The following BEND3 variants were observed in gnomAD, a reference collection of about 807,000 sequenced individuals.
The protein encoded by BEND3 is BEN domain-containing protein 3.
BEND3 carries 13 observed loss-of-function variants against 60.1 expected under a neutral mutation model. The ratio of observed to expected loss-of-function variants is 0.22; its 90% CI spans 0.14 to 0.34. The LOEUF is 0.34. Among genes scored for constraint, BEND3 ranks in the 10% least tolerant of loss-of-function variants. The pLI, the probability that BEND3 is intolerant of heterozygous loss-of-function variation, is 1.00. For missense variants in BEND3, 896 were observed against 1,138.1 expected, an observed-to-expected ratio of 0.79 and a Z score of 3.06; for synonymous variants, 497 against 491.5, an observed-to-expected ratio of 1.01 and a Z score of -0.15.
intron 3 of BEND3, among the ~76,000 whole-genome samples, chr6:107,080,271 C>A (rs1351490741): frequency 1.1e-4 from 15 of 141,334 alleles, no homozygotes; most frequent in Non-Finnish European, 6.0e-5. Context: ...GAGGGGATTG[C>A]TTAAGCCCGG....
chr6:107,082,006 C>T (rs1442178161), intron 3 of BEND3, among the ~76,000 whole-genome samples: 3 of 152,194 alleles, frequency 2.0e-5, no homozygotes, highest in African/African-American at 4.8e-5. Context: ...TTGCTGCTCC[C>T]TGTTTATAAC....
intron 1 of BEND3, chr6:107,105,962 G>A (rs60519666): frequency 0.26 from 40,120 of 152,182 alleles, 5,822 homozygotes; most frequent in Non-Finnish European, 0.32. Flanking sequence ...AAACAATAGG[G>A]ATGGTGGCTG....
At chr6:107,090,351 G>GTAAA (rs1233005138) in intron 3 of BEND3, among the ~76,000 whole-genome samples, 4 of 151,878 alleles carry the variant, frequency 2.6e-5, no homozygotes, top group African/African-American at 7.3e-5. Context: ...TCTGTCTCAA[G>GTAAA]TAAATAAATA....
rs1476003911 is a variant in BEND3, at chr6:107,067,705, G to A, written c.*999C>T. 5.9e-5 allele frequency: 9 copies of A among 152,344 alleles called. No homozygotes were observed. The highest frequency in any genetic ancestry group is 1.3e-4 in the Admixed American group (2 of 15,286). The allele number at this position is 152,344 out of a possible 1,614,324, so 9.4% of individuals were successfully genotyped here. ...GTAGCTAACACTGAGGTCTGGGGAAGTCACCACAAAGCTCCCGGAACCTGG... is the reference window on the plus strand; with the variant it reads ...GTAGCTAACACTGAGGTCTGGGGAAATCACCACAAAGCTCCCGGAACCTGG... On this transcript the variant is annotated 3_prime_UTR_variant, in exon 4 of 4. Coordinates refer to ENST00000369042, the MANE Select transcript of BEND3 (RefSeq NM_001367314.1).
chr6:107,112,140 A>T (rs1349157704), intron 1 of BEND3, among the ~76,000 whole-genome samples: 1 of 152,156 alleles, frequency 6.6e-6, no homozygotes, highest in African/African-American at 2.4e-5. Context: ...ACTTTTCATC[A>T]TGGTGTCAAT....
intron 1 of BEND3, among the ~76,000 whole-genome samples, chr6:107,113,508 C>T (rs1554238822): frequency 6.6e-6 from 1 of 151,106 alleles, no homozygotes; most frequent in African/African-American, 2.4e-5. Flanking sequence ...ATTTCAAGGG[C>T]CACACAGACA....
chr6:107,089,673 C>A (rs1362135132), intron 3 of BEND3, among the ~76,000 whole-genome samples: 2 of 149,906 alleles, frequency 1.3e-5, no homozygotes, highest in African/African-American at 4.9e-5. Flanking sequence ...TGGCTCACTG[C>A]AACCTCTGCC....
At chr6:107,106,978 C>T (rs1361249422) in intron 1 of BEND3, among the ~76,000 whole-genome samples, 3 of 150,944 alleles carry the variant, frequency 2.0e-5, no homozygotes, top group Non-Finnish European at 4.4e-5. Context: ...GCTCTGTCGC[C>T]CAGACTGGAG....
intron 1 of BEND3, among the ~76,000 whole-genome samples, chr6:107,105,446 G>A (rs1554237302): frequency 6.6e-6 from 1 of 151,996 alleles, no homozygotes; most frequent in Admixed American, 6.5e-5. Flanking sequence ...GGTTGATCAG[G>A]ATCACTGGCC....
chr6:107,069,774 C>T lies in BEND3; in HGVS notation c.1417G>A (p.Ala473Thr). ...TCGAGCTCGTCGTTGATGCGCTGGGCACACTGCTGCAGCCAGGCCTCCTCC... is the reference window on the plus strand; with the variant it reads ...TCGAGCTCGTCGTTGATGCGCTGGGTACACTGCTGCAGCCAGGCCTCCTCC... ...QEEEAWLQQC[A>T]QRINDELEGL... is the part of the protein sequence containing the mutation. Residue 473 changes from alanine (A) to threonine (T), a missense_variant, in exon 4 of 4, where the codon GCC becomes ACC. Physicochemically the swap from Ala to Thr is moderately conservative, Grantham distance 58. This residue lies in a region of BEND3 where 846 missense variants were observed against 1,036.7 expected (regional missense o/e 0.82). Transcript: ENST00000369042. 1.2e-6 allele frequency: 2 copies of T among 1,612,974 alleles called. No homozygotes were observed. Among genetic ancestry groups the T allele is most frequent in the Non-Finnish European group, 1.7e-6 (2 of 1,180,008 alleles).
intron 3 of BEND3, among the ~76,000 whole-genome samples, chr6:107,095,357 A>C (rs1582662703): frequency 6.6e-6 from 1 of 152,150 alleles, no homozygotes; most frequent in East Asian, 1.9e-4. Context: ...AACTAAACAA[A>C]GAAAAAAACC....
At chr6:107,100,689 A>G (rs571997457) in intron 1 of BEND3, among the ~76,000 whole-genome samples, 139 of 152,288 alleles carry the variant, frequency 9.1e-4, no homozygotes, top group African/African-American at 3.2e-3. Context: ...AACAAAACAA[A>G]CAAAATTACC....
At chr6:107,110,378 T>C (rs926079652) in intron 1 of BEND3, among the ~76,000 whole-genome samples, 2 of 152,190 alleles carry the variant, frequency 1.3e-5, no homozygotes, top group Admixed American at 6.5e-5. Context: ...TGTGGGGAAC[T>C]TGTGGCAGCT....
Position 107,070,674 on chromosome 6 carries a change from C to T in BEND3, c.517G>A (p.Glu173Lys). Residue 173 changes from glutamate to lysine, a missense_variant, in exon 4 of 4, where the codon GAG becomes AAG. Around this residue, in one of 4 missense-constraint regions of BEND3, gnomAD observed 846 missense variants for 1,036.7 expected, o/e 0.82. Coordinates refer to ENST00000369042, the MANE Select transcript of BEND3 (RefSeq NM_001367314.1). This position sits in a 1 kb window ranked among gnomAD's most constrained non-coding sequence, Gnocchi z 6.9. Reference sequence around the variant, plus strand: ...CTGCCACAGTCCCGCTTCTGTGGCTCATTCAGGAGCCGCAGTGACGAGGGG... The same window carrying T: ...CTGCCACAGTCCCGCTTCTGTGGCTTATTCAGGAGCCGCAGTGACGAGGGG... ...NSPSSLRLLNEPQKRDCGSTG... is the reference protein window; with the variant it reads ...NSPSSLRLLNKPQKRDCGSTG... 3 of 1,612,940 alleles carry T rather than the reference C, an allele frequency of 1.9e-6. No individual in the cohort carries two copies. Among genetic ancestry groups the T allele is most frequent in the Non-Finnish European group, 2.5e-6 (3 of 1,179,998 alleles).
intron 1 of BEND3, among the ~76,000 whole-genome samples, chr6:107,106,745 A>G (rs6568465): frequency 0.38 from 57,975 of 151,830 alleles, 13,136 homozygotes; most frequent in Middle Eastern, 0.67. Context: ...AGTAGCTAGG[A>G]CTATAGGTGC....
rs1452993120 is a variant in BEND3, at chr6:107,066,438, G to T, written c.*2266C>A. On this transcript the variant is annotated 3_prime_UTR_variant, in exon 4 of 4. Transcript: ENST00000369042. ...GGGGAAGATGCCCTACACATGTAAG[G>T]TATTAAGAAAATCACTGAAATACGG... 2 of 152,572 alleles carry T rather than the reference G, an allele frequency of 1.3e-5. No individual in the cohort carries two copies. The highest frequency in any genetic ancestry group is 1.5e-5 in the Non-Finnish European group (1 of 68,038). 9.5% of individuals were successfully genotyped at this position (152,572 alleles called of 1,614,324 possible).
intron 1 of BEND3, among the ~76,000 whole-genome samples, chr6:107,105,377 G>GA (rs35131970): frequency 1.2e-3 from 141 of 120,404 alleles, no homozygotes; most frequent in Middle Eastern, 4.0e-3. Context: ...TCTCAAAAAA[G>GA]AAAAAAAAAA....
intron 3 of BEND3, among the ~76,000 whole-genome samples, chr6:107,082,532 T>A (rs1775255541): frequency 1.3e-5 from 2 of 152,154 alleles, no homozygotes; most frequent in Admixed American, 1.3e-4. Context: ...CCTCCTGGGT[T>A]CAAGCGATTC....
chr6:107,071,917 C>G (rs76454697), intron 3 of BEND3, among the ~76,000 whole-genome samples: 11 of 152,302 alleles, frequency 7.2e-5, no homozygotes, highest in Non-Finnish European at 7.3e-5. Context: ...CAGTGGGTGA[C>G]AGATGTTTAT....
Sources: allele counts gnomAD v4.1 joint callset (sites outside exome capture counted in the v4.1 genomes callset), GRCh38; gene constraint gnomAD v4.1.1; regional missense constraint gnomAD v4.1.1; non-coding constraint Gnocchi (gnomAD v3.1); transcripts MANE v1.5; gene names NCBI Gene and HGNC (gene_info 2026-07-23, HGNC 2026-07-21).